Variants in GRIP1 observed in about 807,000 individuals in gnomAD.
The protein encoded by GRIP1 is glutamate receptor-interacting protein 1.
GRIP1 carries 45 observed loss-of-function variants against 129.9 expected under a neutral mutation model. The ratio of observed to expected loss-of-function variants is 0.35; its 90% CI spans 0.27 to 0.44. The LOEUF (loss-of-function observed/expected upper bound fraction) is 0.44, where lower values mean the gene tolerates loss of function less well. Among genes scored for constraint, GRIP1 ranks in the 20% least tolerant of loss-of-function variants. GRIP1 has a pLI of 1.00. For missense variants in GRIP1, 1,196 were observed against 1,396.8 expected, an observed-to-expected ratio of 0.86 and a Z score of 2.29; for synonymous variants, 530 against 520.8, an observed-to-expected ratio of 1.02 and a Z score of -0.24.
rs896084431 is a variant in GRIP1, at chr12:66,512,579, C to T, written c.724+3040G>A. Among the ~76,000 whole-genome samples the T allele has an allele frequency of 1.8e-4, 28 of 151,352 alleles. 1 individual carries two copies. The highest frequency in any genetic ancestry group is 6.6e-4 in the African/African-American group (27 of 40,986). On this transcript the variant is annotated intron_variant, in intron 7 of 24. Coordinates refer to ENST00000359742, the MANE Select transcript of GRIP1 (RefSeq NM_001366722.1). ...AAAAGTTTTTATGAAAAACAGATGA[C>T]TAATGCCTTTAATATATAAATAGTT...
chr12:66,658,506 G>A (rs1364432506), intron 1 of GRIP1, among the ~76,000 whole-genome samples: 9 of 152,012 alleles, frequency 5.9e-5, no homozygotes, highest in Non-Finnish European at 1.0e-4. Context: ...GCGTGAACCC[G>A]GGAGGTGGAG....
chr12:66,504,854 GA>G (rs2060484499), intron 7 of GRIP1, among the ~76,000 whole-genome samples: 1 of 152,226 alleles, frequency 6.6e-6, no homozygotes, highest in African/African-American at 2.4e-5. Context: ...AAATATTATT[GA>G]GAGTATCCTT....
At position 66,455,500 on chromosome 12, in the gene GRIP1, G is replaced by T; in HGVS notation, c.1263C>A (p.Asn421Lys). The T allele has an allele frequency of 6.2e-7, 1 of 1,612,194 alleles. No homozygotes were observed. Among genetic ancestry groups the T allele is most frequent in the Admixed American group, 1.7e-5 (1 of 60,018 alleles). ...SMSAYSLSSL[N>K]MGTLPRSLYS... ...AGAGGCTTCGAGGTAGAGTCCCCATGTTCAGGGAACTCAGGCTGTATGCAC... is the reference window on the plus strand; with the variant it reads ...AGAGGCTTCGAGGTAGAGTCCCCATTTTCAGGGAACTCAGGCTGTATGCAC... Residue 421 changes from asparagine to lysine, a missense_variant, in exon 11 of 25, where the codon AAC (asparagine) becomes AAA (lysine). Physicochemically the swap from Asn to Lys is moderately conservative, Grantham distance 94 (BLOSUM62 0). Coordinates refer to ENST00000359742, the MANE Select transcript of GRIP1 (RefSeq NM_001366722.1).
chr12:66,661,506 T>C (rs1398996744), intron 1 of GRIP1, among the ~76,000 whole-genome samples: 3 of 145,430 alleles, frequency 2.1e-5, no homozygotes, highest in South Asian at 4.3e-4. Context: ...AAATAAACCA[T>C]ACTTACTACT....
chr12:67,000,727 T>TA (rs1295549840), intron 1 of GRIP1, among the ~76,000 whole-genome samples: 1 of 152,216 alleles, frequency 6.6e-6, no homozygotes, highest in Admixed American at 6.5e-5. Flanking sequence ...AAGGAGCTGT[T>TA]ACAATTCTTC....
chr12:66,541,917 A>C lies in GRIP1; in HGVS notation c.170T>G (p.Met57Arg). ...EFKGSTVVELMKKEGTTLGLT... is the reference protein window; with the variant it reads ...EFKGSTVVELRKKEGTTLGLT... ...ACCCAGGGTAGTGCCTTCCTTCTTC[A>C]TCAGCTCGACGACTGTGGAGCCCTT... is the stretch of plus-strand genomic sequence containing the variant. Residue 57 changes from methionine to arginine, a missense_variant, in exon 3 of 25, where the codon ATG becomes AGG. Around this residue, in one of 5 missense-constraint regions of GRIP1, gnomAD observed 217 missense variants for 224.8 expected, o/e 0.97. Coordinates refer to ENST00000359742, the MANE Select transcript of GRIP1 (RefSeq NM_001366722.1). 6.2e-7 allele frequency: 1 copy of C among 1,614,016 alleles called. No individual in the cohort carries two copies. Among genetic ancestry groups the C allele is most frequent in the East Asian group, 2.2e-5 (1 of 44,876 alleles).
chr12:66,722,054 G>A (rs7342347), intron 1 of GRIP1, among the ~76,000 whole-genome samples: 24,536 of 152,128 alleles, frequency 0.16, 2,098 homozygotes, highest in African/African-American at 0.17. Flanking sequence ...TCTCCGTATT[G>A]CAGTAAGGTT....
chr12:66,685,625 C>G (rs1380807666), intron 1 of GRIP1, among the ~76,000 whole-genome samples: 1 of 152,186 alleles, frequency 6.6e-6, no homozygotes, highest in African/African-American at 2.4e-5. Flanking sequence ...AACACAGCTA[C>G]TTCAAAAATC....
chr12:66,527,698 T>C (rs10784550), intron 5 of GRIP1, among the ~76,000 whole-genome samples: 104,517 of 151,886 alleles, frequency 0.69, 36,435 homozygotes, highest in African/African-American at 0.81. Flanking sequence ...AAAAAAAATT[T>C]CTGACTGTGG....
chr12:66,665,462 G>C lies in GRIP1; in HGVS notation c.55+13388C>G, dbSNP rs147083942. On this transcript the variant is annotated intron_variant, in intron 1 of 24. Transcript: ENST00000359742. ...CTCTGGTATCCCCATAAGTGTGTGT[G>C]TCCTCCCTGAAGTTAACCACCATCC... Among the ~76,000 whole-genome samples, 158 of 152,256 alleles carry C rather than the reference G, an allele frequency of 1.0e-3. 1 individual carries two copies. Among genetic ancestry groups the C allele is most frequent in the Middle Eastern group, 3.4e-3 (1 of 294 alleles).
At chr12:66,358,292 C>T (rs2054588826) in intron 23 of GRIP1, among the ~76,000 whole-genome samples, 1 of 152,118 alleles carries the variant, frequency 6.6e-6, no homozygotes. Context: ...ACTCCTGTGT[C>T]CTTTTGATAG....
intron 1 of GRIP1, among the ~76,000 whole-genome samples, chr12:66,785,305 AACATACAT>A (rs765557975): frequency 1.4e-4 from 15 of 103,936 alleles, no homozygotes; most frequent in African/African-American, 4.2e-4. Context: ...CCAAGAATTT[AACATACAT>A]ACATACATAC....
chr12:66,978,400 G>A (rs1234528793), intron 1 of GRIP1, among the ~76,000 whole-genome samples: 1 of 152,126 alleles, frequency 6.6e-6, no homozygotes, highest in East Asian at 1.9e-4. Flanking sequence ...AAAATGAAAA[G>A]CACATACATC....
At chr12:66,741,663 G>A (rs187967847) in intron 1 of GRIP1, among the ~76,000 whole-genome samples, 26 of 152,184 alleles carry the variant, frequency 1.7e-4, no homozygotes, top group Admixed American at 1.5e-3. Context: ...CAATCTAAAC[G>A]TTATTAAGGT....
rs375480943 is a variant in GRIP1 at position 66,371,904 on chromosome 12, C to T, written c.2802G>A (p.Thr934=). The change falls in exon 23 of 25, where the codon ACG becomes ACA. Residue 934 remains threonine, a synonymous_variant. Coordinates refer to ENST00000359742, the MANE Select transcript of GRIP1 (RefSeq NM_001366722.1). ...TTGGAGCCTCATGATTCAAACTCAT[C>T]GTGCTCCCCGACATGATTGTTGCCT... ...TLLATIMSGS[T]MSLNHEAPTP... 5.6e-6 allele frequency: 9 copies of T among 1,611,108 alleles called. No individual in the cohort carries two copies. Among genetic ancestry groups the T allele is most frequent in the African/African-American group, 2.7e-5 (2 of 74,878 alleles).
At chr12:66,945,807 G>A (rs1438884177) in intron 1 of GRIP1, among the ~76,000 whole-genome samples, 1 of 152,118 alleles carries the variant, frequency 6.6e-6, no homozygotes, top group Admixed American at 6.5e-5. Context: ...GAGAAGTTTG[G>A]CTCAAACCTC....
At chr12:66,634,839 C>G (rs182285460) in intron 1 of GRIP1, among the ~76,000 whole-genome samples, 5 of 152,358 alleles carry the variant, frequency 3.3e-5, no homozygotes, top group African/African-American at 9.6e-5. Context: ...CAGCCACACT[C>G]TGCTTCCAAT....
intron 1 of GRIP1, among the ~76,000 whole-genome samples, chr12:66,835,350 T>G (rs1262458312): frequency 6.6e-6 from 1 of 152,202 alleles, no homozygotes; most frequent in Non-Finnish European, 1.5e-5. Context: ...AGTTGAAAAC[T>G]TATGTTCACA....
chr12:66,981,367 T>C (rs986336584), intron 1 of GRIP1, among the ~76,000 whole-genome samples: 5 of 152,242 alleles, frequency 3.3e-5, no homozygotes, highest in African/African-American at 1.2e-4. Flanking sequence ...TTTTTACATC[T>C]GTCTCCCTCA....
Sources: allele counts gnomAD v4.1 joint callset (sites outside exome capture counted in the v4.1 genomes callset), GRCh38; gene constraint gnomAD v4.1.1; regional missense constraint gnomAD v4.1.1; transcripts MANE v1.5; gene names NCBI Gene and HGNC (gene_info 2026-07-23, HGNC 2026-07-21).